DIS3L2: variants seen among roughly 807,000 people sequenced by gnomAD.
The protein encoded by DIS3L2 is DIS3 like 3'-5' exoribonuclease 2.
DIS3L2 carries 34 observed loss-of-function variants against 97.5 expected under a neutral mutation model. That is an observed-to-expected ratio of 0.35 (90% CI 0.27 to 0.46). The LOEUF is 0.46. Ranked by LOEUF, DIS3L2 falls within the 20% of genes least tolerant of loss-of-function variation. The pLI, the probability that DIS3L2 is intolerant of heterozygous loss-of-function variation, is 1.00. For synonymous variants in DIS3L2, 435 were observed against 445.2 expected (o/e 0.98, Z 0.29); for missense variants, 1,038 against 1,146.0 (o/e 0.91, Z 1.36).
chr2:232,339,053 T>C (rs572077590), downstream of DIS3L2, among the ~76,000 whole-genome samples: 63 of 151,922 alleles, frequency 4.1e-4, no homozygotes, highest in South Asian at 0.012. Context: ...GGGTCAGTGC[T>C]GGCCCCCTGG....
In DIS3L2 at chr2:232,263,432, T is replaced by C; in HGVS notation, c.1651T>C (p.Leu551=). ...GCGCTTTGTGGACGGCGCACTTCGTTTGGATCAGGTCAGTACGTGTTTTTT... is the reference window on the plus strand; with the variant it reads ...GCGCTTTGTGGACGGCGCACTTCGTCTGGATCAGGTCAGTACGTGTTTTTT... The part of the protein sequence containing the change: ...QQRFVDGALR[L]DQLKLAFTLD... The change falls in exon 13 of 21, where the codon TTG becomes CTG. Residue 551 remains leucine, a synonymous_variant. Coordinates refer to ENST00000325385, the MANE Select transcript of DIS3L2 (RefSeq NM_152383.5). 6.2e-7 allele frequency: 1 copy of C among 1,614,164 alleles called. No individual in the cohort carries two copies. The highest frequency in any genetic ancestry group is 1.1e-5 in the South Asian group (1 of 91,070).
chr2:232,262,812 C>T (rs991163054), intron 12 of DIS3L2, among the ~76,000 whole-genome samples: 13 of 152,170 alleles, frequency 8.5e-5, no homozygotes, highest in Middle Eastern at 3.2e-3. Context: ...ACTCCACATC[C>T]GAGCTGTTCC....
intron 5 of DIS3L2, among the ~76,000 whole-genome samples, chr2:232,056,225 G>A (rs185983683): frequency 2.6e-3 from 389 of 152,160 alleles, no homozygotes; most frequent in Non-Finnish European, 4.0e-3. Flanking sequence ...ACGAAAATTA[G>A]CTGGGCCTGG....
chr2:232,077,527 A>G (rs1390376279), intron 5 of DIS3L2, among the ~76,000 whole-genome samples: 1 of 152,154 alleles, frequency 6.6e-6, no homozygotes, highest in Non-Finnish European at 1.5e-5. Context: ...CTATATTTTC[A>G]CTGCTTATTT....
At chr2:232,118,182 G>A (rs905343534) in intron 6 of DIS3L2, among the ~76,000 whole-genome samples, 1 of 152,174 alleles carries the variant, frequency 6.6e-6, no homozygotes, top group Non-Finnish European at 1.5e-5. Context: ...CTGGCACGAT[G>A]GAAGTCACGG....
intron 8 of DIS3L2, among the ~76,000 whole-genome samples, chr2:232,161,797 A>T (rs190632067): frequency 8.9e-5 from 13 of 146,776 alleles, no homozygotes; most frequent in Middle Eastern, 7.4e-3. Flanking sequence ...TTTTTTGGAG[A>T]CAGTCTCACT....
intron 14 of DIS3L2, among the ~76,000 whole-genome samples, chr2:232,308,983 G>A (rs1284669572): frequency 6.6e-6 from 1 of 152,178 alleles, no homozygotes; most frequent in Non-Finnish European, 1.5e-5. Context: ...AGGTGTTGGG[G>A]GAAGGCCTGT....
intron 5 of DIS3L2, among the ~76,000 whole-genome samples, chr2:232,031,713 C>T (rs1412176406): frequency 6.6e-6 from 1 of 151,968 alleles, no homozygotes; most frequent in Non-Finnish European, 1.5e-5. Flanking sequence ...CATATGTTCT[C>T]ATTGTTCACC....
At chr2:232,125,895 A>C (rs1698051222) in intron 6 of DIS3L2, among the ~76,000 whole-genome samples, 1 of 152,200 alleles carries the variant, frequency 6.6e-6, no homozygotes, top group Non-Finnish European at 1.5e-5. Context: ...GGGGGCCCAT[A>C]AGATAAGTTT....
At chr2:231,977,672 C>G (rs1035210584) in intron 1 of DIS3L2, among the ~76,000 whole-genome samples, 1 of 152,170 alleles carries the variant, frequency 6.6e-6, no homozygotes, top group Non-Finnish European at 1.5e-5. Context: ...AACTACCCAC[C>G]ACATGTAGAA....
intron 6 of DIS3L2, among the ~76,000 whole-genome samples, chr2:232,100,444 A>G (rs1252796231): frequency 6.6e-6 from 1 of 151,878 alleles, no homozygotes; most frequent in African/African-American, 2.4e-5. Context: ...CCTTTCCCCA[A>G]ATTCTTGAGT....
chr2:231,963,017 A>T (rs559242290), intron 1 of DIS3L2, among the ~76,000 whole-genome samples: 4 of 151,488 alleles, frequency 2.6e-5, no homozygotes, highest in African/African-American at 9.7e-5. Flanking sequence ...TGTGTTTGCT[A>T]TTGTGAATAG....
chr2:232,086,612 T>TATATATATATATATATATACAC, intron 5 of DIS3L2, among the ~76,000 whole-genome samples: 1 of 91,210 alleles, frequency 1.1e-5, no homozygotes, highest in South Asian at 3.2e-4. Context: ...TGTGTGTGTG[T>TATATATATATATATATATACAC]GTATATATAT....
chr2:232,314,744 A>G (rs992043483), intron 14 of DIS3L2, among the ~76,000 whole-genome samples: 8 of 152,168 alleles, frequency 5.3e-5, no homozygotes, highest in African/African-American at 1.9e-4. Flanking sequence ...TGTTTTTGCG[A>G]TGGACTGCAG....
chr2:232,129,660 A>C (rs1698164149), intron 6 of DIS3L2, among the ~76,000 whole-genome samples: 1 of 152,194 alleles, frequency 6.6e-6, no homozygotes, highest in African/African-American at 2.4e-5. Flanking sequence ...GTACGCCCAG[A>C]ATGGTAAAAG....
At chr2:232,335,667 A>G (rs1279481803) in intron 19 of DIS3L2, 106 bp from the exon 20 acceptor site, 2 of 1,300,572 alleles carry the variant, frequency 1.5e-6, no homozygotes, top group African/African-American at 1.5e-5. Context: ...AGGGTGGGCC[A>G]GGGCCGAGGG....
In DIS3L2 at chr2:232,333,862, G is replaced by A. The variant is rs1231244120; in HGVS notation, c.2033G>A (p.Gly678Glu). The change falls in exon 17 of 21, where the codon GGG becomes GAG. Residue 678 changes from glycine to glutamate, a missense_variant. Transcript: ENST00000325385. ...PMQMALYFCSGLLQDPAQFRH... is the reference protein window; with the variant it reads ...PMQMALYFCSELLQDPAQFRH... The stretch of plus-strand genomic sequence containing the variant: ...CAGATGGCACTGTACTTCTGCTCGG[G>A]GCTGCTGCAGGACCCAGCGCAGTTC... The A allele has an allele frequency of 6.2e-7, 1 of 1,612,450 alleles. No homozygotes were observed. The highest frequency in any genetic ancestry group is 8.5e-7 in the Non-Finnish European group (1 of 1,179,716).
rs868519212 is a variant in DIS3L2 at position 232,293,581 on chromosome 2, T to C, written c.1660-6459T>C. ...CAGGGAAGTGGACCGCGTCGGGGAG[T>C]GCATGGAGCTCTGCAGGAGCTGGAG... On this transcript the variant is annotated intron_variant, in intron 13 of 20. Coordinates refer to ENST00000325385, the MANE Select transcript of DIS3L2 (RefSeq NM_152383.5). This position sits in a 1 kb window ranked among gnomAD's most constrained non-coding sequence, Gnocchi z 4.6. 2.0e-5 allele frequency among the ~76,000 whole-genome samples: 3 copies of C among 151,832 alleles called. No individual in the cohort carries two copies. Among genetic ancestry groups the C allele is most frequent in the African/African-American group, 7.3e-5 (3 of 41,272 alleles).
At chr2:232,239,335 A>G (rs762215718) in intron 11 of DIS3L2, among the ~76,000 whole-genome samples, 5 of 152,236 alleles carry the variant, frequency 3.3e-5, no homozygotes, top group Non-Finnish European at 7.3e-5. Flanking sequence ...TAACACATAT[A>G]TATTGAGCAC....
Sources: allele counts gnomAD v4.1 joint callset (sites outside exome capture counted in the v4.1 genomes callset), GRCh38; gene constraint gnomAD v4.1.1; non-coding constraint Gnocchi (gnomAD v3.1); transcripts MANE v1.5; gene names NCBI Gene and HGNC (gene_info 2026-07-23, HGNC 2026-07-21).